The following MTHFD1 variants were observed in gnomAD, a reference collection of about 807,000 sequenced individuals.
MTHFD1 encodes methylenetetrahydrofolate dehydrogenase, cyclohydrolase and formyltetrahydrofolate synthetase 1.
Under a neutral mutation model 110.3 loss-of-function variants are expected in MTHFD1, and 44 were observed. The ratio of observed to expected loss-of-function variants is 0.40; its 90% CI spans 0.31 to 0.51. The LOEUF is 0.51. Ranked by LOEUF, MTHFD1 falls within the 20% of genes least tolerant of loss-of-function variation. The probability of loss-of-function intolerance (pLI) is 0.60; values close to 1 mark genes in which losing one functional copy is unlikely to be tolerated. For missense variants in MTHFD1, 909 were observed against 1,173.1 expected (o/e 0.77, Z 3.29); for synonymous variants, 402 against 428.8 (o/e 0.94, Z 0.77).
chr14:64,441,607 C>T (rs908815561), intron 19 of MTHFD1, 154 bp downstream of exon 19: 25 of 684,440 alleles, frequency 3.7e-5, no homozygotes, highest in Admixed American at 6.2e-5. Flanking sequence ...GAGATCGAGA[C>T]CATCCTGGCT....
At chr14:64,416,104 G>T (rs2078023798) in intron 6 of MTHFD1, among the ~76,000 whole-genome samples, 1 of 152,096 alleles carries the variant, frequency 6.6e-6, no homozygotes, top group East Asian at 1.9e-4. Context: ...AATTATCCAG[G>T]CAGGGTGGCA....
chr14:64,393,269 C>T (rs1464794961), intron 1 of MTHFD1, among the ~76,000 whole-genome samples: 1 of 152,112 alleles, frequency 6.6e-6, no homozygotes. Flanking sequence ...CATGGTGGCC[C>T]ATGCCTGTAA....
chr14:64,401,944 C>G (rs1278437740), intron 2 of MTHFD1, among the ~76,000 whole-genome samples: 2 of 152,098 alleles, frequency 1.3e-5, no homozygotes, highest in African/African-American at 4.8e-5. Flanking sequence ...TTGCTGTGTG[C>G]TGGTTTGATT....
At chr14:64,427,530 TC>T in intron 12 of MTHFD1, 57 bp downstream of exon 12, 1 of 1,574,762 alleles carries the variant, frequency 6.4e-7, no homozygotes, top group Non-Finnish European at 8.7e-7. Context: ...CCTTCAGTCC[TC>T]CCAGGCCCAC....
intron 1 of MTHFD1, among the ~76,000 whole-genome samples, chr14:64,399,442 C>T (rs1409479306): frequency 2.0e-5 from 3 of 151,980 alleles, no homozygotes; most frequent in South Asian, 2.1e-4. Context: ...GGGTGGATCA[C>T]GAAGTCAGGA....
At chr14:64,390,944 G>A (rs566273524) in intron 1 of MTHFD1, among the ~76,000 whole-genome samples, 8 of 151,724 alleles carry the variant, frequency 5.3e-5, no homozygotes, top group East Asian at 2.0e-4. Context: ...CCACTGCACC[G>A]GTCCTAGAAT....
intron 8 of MTHFD1, among the ~76,000 whole-genome samples, chr14:64,423,757 C>T (rs1426640962): frequency 1.3e-5 from 2 of 150,278 alleles, no homozygotes; most frequent in African/African-American, 4.9e-5. Flanking sequence ...GACAGAGTCT[C>T]GCTCTGTTGC....
chr14:64,403,317 C>T (rs2077913475), intron 2 of MTHFD1, among the ~76,000 whole-genome samples: 1 of 151,916 alleles, frequency 6.6e-6, no homozygotes, highest in African/African-American at 2.4e-5. Flanking sequence ...CTCTATCCCC[C>T]AGGCTGGAAT....
chr14:64,391,607 A>C (rs935595084), intron 1 of MTHFD1, among the ~76,000 whole-genome samples: 1 of 152,198 alleles, frequency 6.6e-6, no homozygotes, highest in Non-Finnish European at 1.5e-5. Context: ...AAAGTTCAGC[A>C]TTCCAGATTC....
At chr14:64,412,036 T>C (rs934661559) in intron 3 of MTHFD1, among the ~76,000 whole-genome samples, 1 of 152,118 alleles carries the variant, frequency 6.6e-6, no homozygotes, top group Non-Finnish European at 1.5e-5. Flanking sequence ...GCTGGGGGGA[T>C]TTACATTGCC....
intron 2 of MTHFD1, among the ~76,000 whole-genome samples, chr14:64,404,284 T>C (rs1566556351): frequency 6.6e-6 from 1 of 152,204 alleles, no homozygotes; most frequent in African/African-American, 2.4e-5. Context: ...CTCCTTTGCT[T>C]GTTGTTGCTC....
intron 23 of MTHFD1, 68 bp from the exon 24 acceptor site, chr14:64,449,377 G>A (rs937180214): frequency 2.0e-5 from 32 of 1,568,634 alleles, no homozygotes; most frequent in Non-Finnish European, 2.8e-5. Flanking sequence ...AGGTTTAATG[G>A]CAAAAAGAAG....
intron 8 of MTHFD1, 96 bp downstream of exon 8, chr14:64,420,021 G>T: frequency 2.2e-6 from 2 of 892,578 alleles, no homozygotes; most frequent in South Asian, 2.8e-5. Flanking sequence ...CTCATTTTAT[G>T]CTTGTAGTAC....
rs747958394 is a variant in MTHFD1, at chr14:64,400,805, G to A, written c.54G>A (p.Ala18=). 2.5e-5 allele frequency: 40 copies of A among 1,613,302 alleles called. No individual in the cohort carries two copies. The highest frequency in any genetic ancestry group is 9.9e-5 in the South Asian group (9 of 90,940). ...CCTTTTTCTCTAGGCAAATAAGGGCGAGACTGAAAAATCAAGTCACTCAGT... is the reference window on the plus strand; with the variant it reads ...CCTTTTTCTCTAGGCAAATAAGGGCAAGACTGAAAAATCAAGTCACTCAGT... ...NGKEISAQIR[A]RLKNQVTQLK... is the part of the protein sequence containing the mutation. Residue 18 remains alanine, a synonymous_variant, in exon 2 of 28, where the codon GCG becomes GCA. Coordinates refer to ENST00000652337, the MANE Select transcript of MTHFD1 (RefSeq NM_005956.4).
chr14:64,408,768 G>A (rs1029425584), intron 2 of MTHFD1, among the ~76,000 whole-genome samples: 3 of 152,122 alleles, frequency 2.0e-5, no homozygotes, highest in African/African-American at 4.8e-5. Flanking sequence ...CTGGGCAATA[G>A]AGAAACTCCA....
At chr14:64,404,227 C>T (rs1004777958) in intron 2 of MTHFD1, among the ~76,000 whole-genome samples, 4 of 152,190 alleles carry the variant, frequency 2.6e-5, no homozygotes, top group Non-Finnish European at 4.4e-5. Flanking sequence ...TTCTGAGCTC[C>T]AGGCTCTTGG....
intron 13 of MTHFD1, 62 bp from the exon 14 acceptor site, chr14:64,431,470 G>A: frequency 7.1e-7 from 1 of 1,402,724 alleles, no homozygotes; most frequent in Non-Finnish European, 1.0e-6. Flanking sequence ...CTTTGCAATA[G>A]AATGAAAGTT....
In MTHFD1 at chr14:64,427,430, G is replaced by T. The variant is rs144614854; in HGVS notation, c.1221G>T (p.Ala407=). ...CCCATCTCTACCAGAATGTCTTTGC[G>T]TGTGTGCGACAGCCTTCTCAGGGCC... is the stretch of plus-strand genomic sequence containing the variant. The part of the protein sequence containing the change: ...LGAHLYQNVF[A]CVRQPSQGPT... The change falls in exon 12 of 28, where the codon GCG becomes GCT. Residue 407 remains alanine (A), a synonymous_variant. Coordinates refer to ENST00000652337, the MANE Select transcript of MTHFD1 (RefSeq NM_005956.4). 1 of 1,614,034 alleles carries T rather than the reference G, an allele frequency of 6.2e-7. No individual in the cohort carries two copies. Among genetic ancestry groups the T allele is most frequent in the Admixed American group, 1.7e-5 (1 of 59,992 alleles).
At chr14:64,418,060 T>C in intron 7 of MTHFD1, 36 bp downstream of exon 7, 1 of 1,613,298 alleles carries the variant, frequency 6.2e-7, no homozygotes, top group Admixed American at 1.7e-5. Flanking sequence ...GGTGTTACGG[T>C]GGGGAGGGTG....
Sources: gnomAD v4.1 joint callset for allele counts (sites outside exome capture counted in the v4.1 genomes callset) on GRCh38, gnomAD v4.1.1 for gene constraint, MANE v1.5 for transcripts, NCBI Gene and HGNC (gene_info 2026-07-23, HGNC 2026-07-21) for gene names.